ZBTB38: variants seen among roughly 807,000 people sequenced by gnomAD.
ZBTB38 encodes zinc finger and BTB domain-containing protein 38.
ZBTB38 carries 20 observed loss-of-function variants against 76.8 expected under a neutral mutation model. The ratio of observed to expected loss-of-function variants is 0.26; its 90% confidence interval spans 0.18 to 0.38. The LOEUF is 0.38. Among genes scored for constraint, ZBTB38 ranks in the 10% least tolerant of loss-of-function variants. The probability of loss-of-function intolerance (pLI) is 1.00; values close to 1 mark genes in which losing one functional copy is unlikely to be tolerated. For missense variants in ZBTB38, 1,082 were observed against 1,482.3 expected (o/e 0.73, Z 4.43); for synonymous variants, 504 against 544.2 (o/e 0.93, Z 1.03).
chr3:141,368,995 C>CA (rs887674425), intron 1 of ZBTB38, among the ~76,000 whole-genome samples, 191 bp downstream of exon 1: 38,291 of 84,384 alleles, frequency 0.45, 7,152 homozygotes, highest in Non-Finnish European at 0.53. Flanking sequence ...GAAAAGAATG[C>CA]AAAAAAAAAA....
intron 5 of ZBTB38, among the ~76,000 whole-genome samples, chr3:141,405,986 A>G (rs1954244643): frequency 6.6e-6 from 1 of 152,244 alleles, no homozygotes; most frequent in Non-Finnish European, 1.5e-5. Context: ...GCATTTCAAT[A>G]AAAGAGATGG....
chr3:141,432,457 G>A (rs1187531802), intron 5 of ZBTB38, among the ~76,000 whole-genome samples: 1 of 152,102 alleles, frequency 6.6e-6, no homozygotes, highest in Non-Finnish European at 1.5e-5. Flanking sequence ...GTTCAGTCTG[G>A]CCCTGGAGAG....
intron 1 of ZBTB38, among the ~76,000 whole-genome samples, chr3:141,359,037 G>C (rs1190946910): frequency 6.6e-6 from 1 of 152,202 alleles, no homozygotes; most frequent in Non-Finnish European, 1.5e-5. Context: ...GATTTTGGCT[G>C]CAAGTAAGGA....
chr3:141,425,236 G>A (rs2076168661), intron 5 of ZBTB38, among the ~76,000 whole-genome samples: 2 of 152,186 alleles, frequency 1.3e-5, no homozygotes, highest in Non-Finnish European at 1.5e-5. Flanking sequence ...TGCTTTGCGA[G>A]TCTCTCAGTT....
chr3:141,362,824 A>G (rs760845889), intron 1 of ZBTB38, among the ~76,000 whole-genome samples: 7 of 152,156 alleles, frequency 4.6e-5, no homozygotes, highest in Admixed American at 3.9e-4. Context: ...AAATGCAAGT[A>G]TTAATATGAG....
upstream of ZBTB38, among the ~76,000 whole-genome samples, chr3:141,365,904 T>G (rs1327616719): frequency 6.6e-6 from 1 of 152,228 alleles, no homozygotes; most frequent in African/African-American, 2.4e-5. Context: ...AATAATTTTT[T>G]TTAAAGAGAG....
chr3:141,326,195 T>C (rs1942670232), intron 1 of ZBTB38, among the ~76,000 whole-genome samples: 1 of 152,176 alleles, frequency 6.6e-6, no homozygotes, highest in African/African-American at 2.4e-5. Context: ...AGAGAAGAAA[T>C]CAGAATCCTT....
chr3:141,438,423 T>A (rs2079315514), intron 5 of ZBTB38: 1 of 152,328 alleles, frequency 6.6e-6, no homozygotes, highest in South Asian at 2.1e-4. Context: ...GGTTTCACCA[T>A]GTTGGTGAGG....
At chr3:141,431,335 A>ATATATATATATATATATATAT (rs1185607775) in intron 5 of ZBTB38, among the ~76,000 whole-genome samples, 1 of 101,468 alleles carries the variant, frequency 9.9e-6, no homozygotes, top group African/African-American at 6.1e-5. Flanking sequence ...AAAAAAAAAA[A>ATATATATATATATATATATAT]AAAAAAATAT....
intron 4 of ZBTB38, among the ~76,000 whole-genome samples, chr3:141,395,518 A>C (rs1033619259): frequency 3.3e-5 from 5 of 152,212 alleles, no homozygotes; most frequent in Admixed American, 1.3e-4. Context: ...AAAACTGAAG[A>C]TACTTCGTAG....
chr3:141,445,297 C>A lies in ZBTB38; in HGVS notation c.2909C>A (p.Pro970His), dbSNP rs2080963243. 1 of 1,614,036 alleles carries A rather than the reference C, an allele frequency of 6.2e-7. No individual in the cohort carries two copies. Among genetic ancestry groups the A allele is most frequent in the African/African-American group, 1.3e-5 (1 of 74,916 alleles). ...GTGGGGAAGGCTCCTCAGGATAAAC[C>A]CTTTGAGGAAGAAGAAACTAAAGAG... ...CAVGKAPQDK[P>H]FEEEETKEMP... The change falls in exon 6 of 6, where the codon CCC (proline) becomes CAC (histidine). Residue 970 changes from proline to histidine, a missense_variant. Transcript: ENST00000321464. This position sits in a 1 kb window ranked among gnomAD's most constrained non-coding sequence, Gnocchi z 6.5.
chr3:141,348,259 G>A (rs942778642), intron 1 of ZBTB38, among the ~76,000 whole-genome samples: 6 of 152,108 alleles, frequency 3.9e-5, no homozygotes, highest in Non-Finnish European at 2.9e-5. Flanking sequence ...TCATAAGCCC[G>A]TGAATAATTG....
chr3:141,401,666 G>C (rs1407307704), intron 4 of ZBTB38, among the ~76,000 whole-genome samples: 1 of 150,626 alleles, frequency 6.6e-6, no homozygotes, highest in Admixed American at 6.6e-5. Context: ...AAAACACAGG[G>C]AACATGGACG....
intron 4 of ZBTB38, among the ~76,000 whole-genome samples, chr3:141,393,137 C>G (rs1456989202): frequency 6.6e-6 from 1 of 152,204 alleles, no homozygotes; most frequent in African/African-American, 2.4e-5. Context: ...AATATTCTTT[C>G]TGTGCTCATG....
chr3:141,343,144 G>T (rs1943244915), intron 1 of ZBTB38, among the ~76,000 whole-genome samples: 1 of 152,166 alleles, frequency 6.6e-6, no homozygotes, highest in African/African-American at 2.4e-5. Context: ...CAGCCATGTG[G>T]CTTGCTGGAT....
chr3:141,438,966 A>ATT (rs56348132), intron 5 of ZBTB38, among the ~76,000 whole-genome samples: 2,541 of 140,074 alleles, frequency 0.018, 57 homozygotes, highest in African/African-American at 0.053. Context: ...ATCATTTTTA[A>ATT]TTTTTTTTTT....
intron 1 of ZBTB38, among the ~76,000 whole-genome samples, chr3:141,362,075 G>A (rs967512546): frequency 6.6e-6 from 1 of 152,116 alleles, no homozygotes; most frequent in Non-Finnish European, 1.5e-5. Flanking sequence ...AACCCATGCT[G>A]ACCCACTAAA....
Position 141,362,020 on chromosome 3 carries a change from T to G in ZBTB38, c.-738-6601T>G, listed in dbSNP as rs546152834. Among the ~76,000 whole-genome samples the G allele has an allele frequency of 7.9e-5, 12 of 152,348 alleles. No individual in the cohort carries two copies. The East Asian group carries it at 2.3e-3, about 29-fold the overall frequency. ...ATCGAAACGAAAGTGTTAGTTATAA[T>G]GTACTTGGATCTTTTCTATTGTTTT... On this transcript the variant is annotated intron_variant, in intron 1 of 7. Coordinates refer to the ZBTB38 transcript ENST00000509842.
chr3:141,440,592 A>G lies in ZBTB38; in HGVS notation c.1-1797A>G, dbSNP rs1391596305. Reference sequence around the variant, plus strand: ...GACGTCTCTTAATACAGAATAGCACAGAGAGACTGGATGAATCTCTGGTTA... The same window carrying G: ...GACGTCTCTTAATACAGAATAGCACGGAGAGACTGGATGAATCTCTGGTTA... On this transcript the variant is annotated intron_variant, in intron 5 of 5. Transcript: ENST00000321464. Among the ~76,000 whole-genome samples, 3 of 152,382 alleles carry G rather than the reference A, an allele frequency of 2.0e-5. No individual in the cohort carries two copies. In the East Asian group the frequency reaches 5.8e-4, roughly 29 times the overall value.
Sources: allele counts gnomAD v4.1 joint callset (sites outside exome capture counted in the v4.1 genomes callset), GRCh38; gene constraint gnomAD v4.1.1; non-coding constraint Gnocchi (gnomAD v3.1); transcripts MANE v1.5; gene names NCBI Gene and HGNC (gene_info 2026-07-23, HGNC 2026-07-21).